Variants in KCTD2 observed in about 807,000 individuals in gnomAD.
The protein encoded by KCTD2 is potassium channel tetramerization domain containing 2.
In KCTD2, 18 loss-of-function variants were observed where a neutral mutation model predicts 27.9. The ratio of observed to expected loss-of-function variants is 0.64; its 90% confidence interval spans 0.45 to 0.96. The LOEUF (loss-of-function observed/expected upper bound fraction) is 0.96, where lower values mean the gene tolerates loss of function less well. Among genes scored for constraint, KCTD2 ranks in the 40% least tolerant of loss-of-function variants. KCTD2 has a pLI of 0.00. For missense variants in KCTD2, 280 were observed against 348.0 expected (o/e 0.80, Z 1.56); for synonymous variants, 175 against 148.4 (o/e 1.18, Z -1.30).
chr17:75,049,200 C>T lies in KCTD2; in HGVS notation c.340-20C>T, dbSNP rs775119730. The T allele has an allele frequency of 5.5e-6, 8 of 1,453,326 alleles. No individual in the cohort carries two copies. The highest frequency in any genetic ancestry group is 7.7e-6 in the Non-Finnish European group (8 of 1,035,972). The allele number at this position is 1,453,326 out of a possible 1,614,324, so 90.0% of individuals were successfully genotyped here. A position where few individuals can be genotyped will look rare whatever the true frequency, so the allele number is the denominator to read the frequency against. The stretch of plus-strand genomic sequence containing the variant: ...TACTCCTCAAAGGTCCACAATGATA[C>T]CCTTGTGTTTGGTTGGCAGGATGAG... On this transcript the variant is annotated intron_variant, in intron 1 of 5. Transcript: ENST00000322444.
chr17:75,057,420 A>T (rs1218089689), intron 3 of KCTD2, among the ~76,000 whole-genome samples: 3 of 152,154 alleles, frequency 2.0e-5, no homozygotes, highest in African/African-American at 7.2e-5. Flanking sequence ...TGATACTCTG[A>T]ATTTTGTACT....
upstream of KCTD2, chr17:75,047,041 G>T: frequency 3.9e-6 from 1 of 254,228 alleles, no homozygotes; most frequent in Non-Finnish European, 7.5e-6. Context: ...TCGCAGATCA[G>T]CCAATAGAGA....
At chr17:75,034,632 G>A (rs2040097587) in intron 2 of KCTD2, among the ~76,000 whole-genome samples, 1 of 151,106 alleles carries the variant, frequency 6.6e-6, no homozygotes, top group Non-Finnish European at 1.5e-5. Context: ...ACCGCTGGCT[G>A]GGCGCGGCGT....
At chr17:75,039,340 G>C (rs929670887) in intron 3 of KCTD2, 11 of 1,422,960 alleles carry the variant, frequency 7.7e-6, no homozygotes, top group African/African-American at 5.6e-5. Context: ...GCTAAGGTAG[G>C]AGTCGTCCCA....
chr17:75,034,285 C>T (rs1296238819), intron 2 of KCTD2, among the ~76,000 whole-genome samples: 1 of 152,166 alleles, frequency 6.6e-6, no homozygotes, highest in Non-Finnish European at 1.5e-5. Context: ...TAAATGACCA[C>T]CGCGACTGCA....
At chr17:75,042,049 TTTGG>T in intron 3 of KCTD2, 1 of 728,958 alleles carries the variant, frequency 1.4e-6, no homozygotes, top group Non-Finnish European at 2.2e-6. Context: ...CCACAAGGCC[TTTGG>T]CCATACGCAT....
chr17:75,053,129 G>T (rs113449956), intron 3 of KCTD2, 24 bp downstream of exon 3: 1 of 1,582,508 alleles, frequency 6.3e-7, no homozygotes, highest in Non-Finnish European at 8.7e-7. Context: ...AACTGTTAAG[G>T]AGGGTTGTTT....
At chr17:75,060,856 T>C (rs2073397837) in intron 4 of KCTD2, among the ~76,000 whole-genome samples, 1 of 152,252 alleles carries the variant, frequency 6.6e-6, no homozygotes, top group African/African-American at 2.4e-5. Flanking sequence ...AATGCTGTTA[T>C]CTCACAGATC....
chr17:75,047,621 C>G, intron 1 of KCTD2, 32 bp downstream of exon 1: 1 of 1,586,600 alleles, frequency 6.3e-7, no homozygotes, highest in South Asian at 1.1e-5. Flanking sequence ...GCCCCCGGGC[C>G]TTCGAACCCC....
intron 3 of KCTD2, among the ~76,000 whole-genome samples, chr17:75,053,858 CTTTTTTTTTTTTTT>C (rs71159419): frequency 1.7e-5 from 1 of 59,328 alleles, no homozygotes; most frequent in Non-Finnish European, 2.8e-5. Flanking sequence ...GTGAACCATG[CTTTTTTTTTTTTTT>C]TTTTTTTTTT....
At chr17:75,047,732 C>G (rs566008011) in intron 1 of KCTD2, 143 bp downstream of exon 1, 3 of 742,984 alleles carry the variant, frequency 4.0e-6, no homozygotes, top group Non-Finnish European at 4.2e-6. Context: ...CCACACTACT[C>G]GCAGGGGCCT....
intron 3 of KCTD2, chr17:75,040,349 A>G (rs2073146504): frequency 1.5e-6 from 1 of 645,826 alleles, no homozygotes; most frequent in African/African-American, 1.8e-5. Flanking sequence ...TAGAAAGAAT[A>G]TTAGACTGGG....
chr17:75,042,947 G>A (rs924058033), upstream of KCTD2, among the ~76,000 whole-genome samples: 1 of 152,064 alleles, frequency 6.6e-6, no homozygotes, highest in African/African-American at 2.4e-5. Context: ...GCGGCCAGGC[G>A]CAGTGGGCTC....
Position 75,062,245 on chromosome 17 carries a change from G to A in KCTD2, c.762G>A (p.Lys254=), listed in dbSNP as rs1253957787. Reference sequence around the variant, plus strand: ...TCATAGAGCCGAGCGAAAAGGCGAAGGTAAGGAGCCCCTTCCCTGGGCAGT... The same window carrying A: ...TCATAGAGCCGAGCGAAAAGGCGAAAGTAAGGAGCCCCTTCCCTGGGCAGT... The part of the protein sequence containing the change: ...GIVIEPSEKA[K]ILQERGSRM Residue 254 remains lysine, a splice_region_variant and synonymous_variant, in exon 5 of 6, where the codon AAG becomes AAA. Transcript: ENST00000322444. 5 of 1,611,060 alleles carry A rather than the reference G, an allele frequency of 3.1e-6. No homozygotes were observed. Among genetic ancestry groups the A allele is most frequent in the South Asian group, 2.2e-5 (2 of 90,400 alleles).
chr17:75,042,695 A>C (rs770983210), upstream of KCTD2: 2 of 1,578,288 alleles, frequency 1.3e-6, no homozygotes, highest in Non-Finnish European at 8.6e-7. Flanking sequence ...AGGCTTTTTT[A>C]TGAGGTGAAT....
intron 2 of KCTD2, chr17:75,035,187 A>G (rs1174207648): frequency 2.6e-5 from 4 of 152,000 alleles, no homozygotes; most frequent in Non-Finnish European, 4.4e-5. Context: ...TCGTGGTCGG[A>G]ACGTTTTAAT....
At chr17:75,048,334 TAA>T (rs2073249845) in intron 1 of KCTD2, among the ~76,000 whole-genome samples, 1 of 152,170 alleles carries the variant, frequency 6.6e-6, no homozygotes, top group Non-Finnish European at 1.5e-5. Flanking sequence ...AATTTCTTTT[TAA>T]CTTTACGTAT....
chr17:75,037,510 A>G (rs1179657099), intron 3 of KCTD2, among the ~76,000 whole-genome samples: 1 of 152,208 alleles, frequency 6.6e-6, no homozygotes. Context: ...TACAATCCTG[A>G]TATTTGTAAA....
At chr17:75,060,611 C>T (rs925701883) in intron 4 of KCTD2, 118 of 1,601,196 alleles carry the variant, frequency 7.4e-5, no homozygotes, top group South Asian at 5.9e-4. Flanking sequence ...CGCTCTGGCT[C>T]GCCAGGTTCA....
Sources: allele counts gnomAD v4.1 joint callset (sites outside exome capture counted in the v4.1 genomes callset), GRCh38; gene constraint gnomAD v4.1.1; transcripts MANE v1.5; gene names NCBI Gene and HGNC (gene_info 2026-07-23, HGNC 2026-07-21).